The following TRANK1 variants were observed in gnomAD, a reference collection of about 807,000 sequenced individuals.
TRANK1 encodes tetratricopeptide repeat and ankyrin repeat containing 1, also known as TPR and ankyrin repeat-containing protein 1.
TRANK1 carries 198 observed loss-of-function variants against 266.0 expected under a neutral mutation model. The observed-to-expected ratio is 0.74, with a 90% CI of 0.66 to 0.84. TRANK1 has a LOEUF of 0.84. TRANK1 is among the 40% of genes least tolerant of loss of function. The pLI is 0.00. For synonymous variants in TRANK1, 1,396 were observed against 1,384.1 expected, an observed-to-expected ratio of 1.01 and a Z score of -0.19; for missense variants, 3,326 against 3,634.6, an observed-to-expected ratio of 0.92 and a Z score of 2.18.
Position 36,838,699 on chromosome 3 carries a change from G to C in TRANK1, c.5298C>G (p.Tyr1766Ter). The change falls in exon 19 of 24, where the codon TAC (tyrosine) becomes TAG (stop). Residue 1766 changes from tyrosine to a stop codon, truncating the protein, a stop_gained. Transcript: ENST00000645898. LOFTEE classifies it high-confidence loss of function. The part of the protein sequence containing the change: ...HQCWKVAAKC[Y>*]QKGGAFEKEK... Reference sequence around the variant, plus strand: ...CCTTCTCAAATGCACCTCCTTTCTGGTAACACTTGGCTGCAACCTGGAATA... The same window carrying C: ...CCTTCTCAAATGCACCTCCTTTCTGCTAACACTTGGCTGCAACCTGGAATA... 1 of 1,613,534 alleles carries C rather than the reference G, an allele frequency of 6.2e-7. No individual in the cohort carries two copies.
chr3:36,831,962 A>G lies in TRANK1; in HGVS notation c.7621T>C (p.Phe2541Leu). The change falls in exon 22 of 24, where the codon TTC becomes CTC. Residue 2541 changes from phenylalanine (F) to leucine (L), a missense_variant. Coordinates refer to ENST00000645898, the MANE Select transcript of TRANK1 (RefSeq NM_001329998.2). The surrounding 1 kb of genome is among the most constrained non-coding windows in gnomAD (Gnocchi z 5.0). ...CTGAAGGCATCAAGCAGGACGTTGA[A>G]GTTCACATTCTCATAGCCACATAGC... Reference protein sequence around the residue: ...KVLCGYENVNFNVLLDAFSEI... With the variant: ...KVLCGYENVNLNVLLDAFSEI... 6.2e-7 allele frequency: 1 copy of G among 1,614,038 alleles called. No individual in the cohort carries two copies. The highest frequency in any genetic ancestry group is 8.5e-7 in the Non-Finnish European group (1 of 1,179,908).
intron 9 of TRANK1, among the ~76,000 whole-genome samples, chr3:36,873,241 A>G (rs982841157): frequency 1.3e-5 from 2 of 152,194 alleles, no homozygotes; most frequent in East Asian, 3.8e-4. Context: ...AAAGAAAGAC[A>G]TTTTCAAAAA....
In TRANK1 at chr3:36,831,838, T is replaced by C. The variant is rs1269641878; in HGVS notation, c.7745A>G (p.Lys2582Arg). The change falls in exon 22 of 24, where the codon AAG (lysine) becomes AGG (arginine). Residue 2582 changes from lysine (K) to arginine (R), a missense_variant. Lys to Arg is a conservative substitution (Grantham distance 26). Coordinates refer to ENST00000645898, the MANE Select transcript of TRANK1 (RefSeq NM_001329998.2). The surrounding 1 kb of genome is among the most constrained non-coding windows in gnomAD (Gnocchi z 5.0). ...CCGGAAGTGGCGATACAGGAGAGGC[T>C]TGCAGTATGGCTGCAGGATCTCCTC... ...NAEEILQPYC[K>R]PLLYRHFREI... is the part of the protein sequence containing the mutation. 1 of 1,614,014 alleles carries C rather than the reference T, an allele frequency of 6.2e-7. No homozygotes were observed. Among genetic ancestry groups the C allele is most frequent in the Non-Finnish European group, 8.5e-7 (1 of 1,179,898 alleles).
intron 1 of TRANK1, among the ~76,000 whole-genome samples, chr3:36,938,313 G>A (rs1022050287): frequency 6.6e-6 from 1 of 152,086 alleles, no homozygotes; most frequent in African/African-American, 2.4e-5. Context: ...CCGCCTCCTG[G>A]GTTCAAGCAA....
chr3:36,916,864 G>A (rs1171254900), intron 1 of TRANK1, among the ~76,000 whole-genome samples: 1 of 151,234 alleles, frequency 6.6e-6, no homozygotes, highest in Non-Finnish European at 1.5e-5. Context: ...CCCCCAGCCT[G>A]GAGTGCAGTG....
intron 9 of TRANK1, among the ~76,000 whole-genome samples, chr3:36,866,052 A>AAAAGAAAGAAAAAGAAAG (rs2079216087): frequency 1.6e-5 from 2 of 127,758 alleles, no homozygotes; most frequent in African/African-American, 5.8e-5. Flanking sequence ...GACAGAAAGA[A>AAAAGAAAGAAAAAGAAAG]AAAGAAAGAA....
intron 11 of TRANK1, among the ~76,000 whole-genome samples, chr3:36,859,266 G>A (rs1489358852): frequency 6.8e-6 from 1 of 148,148 alleles, no homozygotes; most frequent in Non-Finnish European, 1.5e-5. Flanking sequence ...TACATCCCTT[G>A]CTTCTTTTTT....
In TRANK1 at chr3:36,838,547, C is replaced by T. The variant is rs148116409; in HGVS notation, c.5385-43G>A. 32 of 1,614,002 alleles carry T rather than the reference C, an allele frequency of 2.0e-5. 1 individual carries two copies. The highest frequency in any genetic ancestry group is 3.3e-4 in the Middle Eastern group (2 of 6,062). On this transcript the variant is annotated intron_variant, in intron 19 of 23. Coordinates refer to ENST00000645898, the MANE Select transcript of TRANK1 (RefSeq NM_001329998.2). ...AAATAATATTTCCACGGAACATTGA[C>T]CCTACACCAATATTTAACCTGCTAC...
intron 8 of TRANK1, among the ~76,000 whole-genome samples, chr3:36,876,717 G>A (rs991667541): frequency 6.6e-6 from 1 of 152,182 alleles, no homozygotes; most frequent in African/African-American, 2.4e-5. Flanking sequence ...TCACACAACG[G>A]AGTAAAAGGC....
intron 4 of TRANK1, 91 bp from the exon 5 acceptor site, chr3:36,895,849 C>A: frequency 1.3e-6 from 1 of 752,510 alleles, no homozygotes; most frequent in Non-Finnish European, 2.0e-6. Context: ...CACACATAGA[C>A]AAATGGTAAA....
At chr3:36,865,940 AAG>A (rs200675682) in intron 9 of TRANK1, among the ~76,000 whole-genome samples, 200 of 149,052 alleles carry the variant, frequency 1.3e-3, no homozygotes, top group African/African-American at 4.6e-3. Flanking sequence ...AAAGAAAAAA[AAG>A]AGAGAGAGAG....
rs1031630128 is a variant in TRANK1 at position 36,857,616 on chromosome 3, T to C, written c.2106A>G (p.Ala702=). ...GGAGAGTCTCCCAGCTGTCAGGGAC[T>C]GCACTTCCTTCAGGCAGTGTTCTGG... The part of the protein sequence containing the change: ...ATARTLPEGS[A]VPDSWETLPG... Residue 702 remains alanine (A), a synonymous_variant, in exon 13 of 24, where the codon GCA becomes GCG. Transcript: ENST00000645898. This position sits in a 1 kb window ranked among gnomAD's most constrained non-coding sequence, Gnocchi z 4.3. The C allele has an allele frequency of 3.1e-6, 5 of 1,614,062 alleles. No homozygotes were observed. The highest frequency in any genetic ancestry group is 3.4e-6 in the Non-Finnish European group (4 of 1,179,898).
chr3:36,857,784 G>A lies in TRANK1; in HGVS notation c.1938C>T (p.Asn646=), dbSNP rs1234112723. 33 of 1,613,898 alleles carry A rather than the reference G, an allele frequency of 2.0e-5. No individual in the cohort carries two copies. Among genetic ancestry groups the A allele is most frequent in the Non-Finnish European group, 2.6e-5 (31 of 1,179,906 alleles). The change falls in exon 13 of 24, where the codon AAC becomes AAT. Residue 646 remains asparagine, a synonymous_variant. Coordinates refer to ENST00000645898, the MANE Select transcript of TRANK1 (RefSeq NM_001329998.2). This position sits in a 1 kb window ranked among gnomAD's most constrained non-coding sequence, Gnocchi z 4.3. ...TCCTCCTGTTCTCCATCAGAGCTTT[G>A]TTCCAGGCCAAGAGCAGAGAGTCGT... ...KKNDSLLLAW[N]KALMENRRRS...
intron 1 of TRANK1, 38 bp downstream of exon 1, chr3:36,944,749 G>A (rs968852694): frequency 1.3e-6 from 2 of 1,502,106 alleles, no homozygotes; most frequent in African/African-American, 2.9e-5. Context: ...GGCCCGGAAG[G>A]CCAGAGATGC....
rs1478176687 is a variant in TRANK1 at position 36,842,553 on chromosome 3, T to G, written c.5280+69A>C. The G allele has an allele frequency of 3.8e-5, 53 of 1,377,244 alleles. No individual in the cohort carries two copies. In the East Asian group the frequency reaches 1.2e-3, roughly 30 times the overall value. 85.3% of individuals were successfully genotyped at this position (1,377,244 alleles called of 1,614,324 possible). ...CCTTTCCTGGTGACAAACACCATGA[T>G]GTGAAACCTGCCTGTGAGGTCTGAC... On this transcript the variant is annotated intron_variant, in intron 18 of 23. Transcript: ENST00000645898.
chr3:36,856,668 A>C lies in TRANK1; in HGVS notation c.3054T>G (p.Ser1018Arg). Residue 1018 changes from serine (S) to arginine (R), a missense_variant, in exon 13 of 24, where the codon AGT (serine) becomes AGG (arginine). Coordinates refer to ENST00000645898, the MANE Select transcript of TRANK1 (RefSeq NM_001329998.2). Reference sequence around the variant, plus strand: ...TGATGTTATATTCTGTCTCCACTGCACTGGCTGGGGGAAAGTACTCAGGAT... The same window carrying C: ...TGATGTTATATTCTGTCTCCACTGCCCTGGCTGGGGGAAAGTACTCAGGAT... ...HVNPEYFPPASAVETEYNIMK... is the reference protein window; with the variant it reads ...HVNPEYFPPARAVETEYNIMK... 1.2e-6 allele frequency: 2 copies of C among 1,614,072 alleles called. No homozygotes were observed. The highest frequency in any genetic ancestry group is 1.7e-6 in the Non-Finnish European group (2 of 1,179,904).
At chr3:36,850,287 C>T (rs2078969308) in intron 15 of TRANK1, 6 of 985,308 alleles carry the variant, frequency 6.1e-6, no homozygotes, top group Non-Finnish European at 7.2e-6. Flanking sequence ...CAAAATTTAA[C>T]AGGAAAGGAA....
chr3:36,945,608 C>G (rs1423890212), upstream of TRANK1, among the ~76,000 whole-genome samples: 1 of 152,152 alleles, frequency 6.6e-6, no homozygotes, highest in African/African-American at 2.4e-5. Context: ...AGGATCTTGC[C>G]TTGTCTTTCC....
At chr3:36,866,963 A>G (rs1409421099) in intron 9 of TRANK1, among the ~76,000 whole-genome samples, 6 of 152,184 alleles carry the variant, frequency 3.9e-5, no homozygotes, top group Non-Finnish European at 8.8e-5. Flanking sequence ...ACTCTAATCA[A>G]GAGACGTTCA....
Sources: allele counts gnomAD v4.1 joint callset (sites outside exome capture counted in the v4.1 genomes callset), GRCh38; gene constraint gnomAD v4.1.1; non-coding constraint Gnocchi (gnomAD v3.1); transcripts MANE v1.5; gene names NCBI Gene and HGNC (gene_info 2026-07-23, HGNC 2026-07-21).